The following SLC22A23 variants were observed in gnomAD, a reference collection of about 807,000 sequenced individuals.
SLC22A23 encodes the protein solute carrier family 22 member 23, also known as ion transporter protein.
In SLC22A23, 26 loss-of-function variants were observed where a neutral mutation model predicts 61.0. The ratio of observed to expected loss-of-function variants is 0.43; its 90% CI spans 0.31 to 0.59. SLC22A23 has a LOEUF of 0.59. SLC22A23 is among the 20% of genes least tolerant of loss of function. The probability of loss-of-function intolerance (pLI) is 0.11; values close to 1 mark genes in which losing one functional copy is unlikely to be tolerated. For synonymous variants in SLC22A23, 430 were observed against 413.9 expected (o/e 1.04, Z -0.47); for missense variants, 796 against 934.7 (o/e 0.85, Z 1.94).
chr6:3,341,309 G>A (rs1446180466), intron 3 of SLC22A23, among the ~76,000 whole-genome samples: 1 of 152,184 alleles, frequency 6.6e-6, no homozygotes, highest in Non-Finnish European at 1.5e-5. Context: ...ACTTTTTGTT[G>A]TAGTTGTTTC....
At chr6:3,455,559 C>A (rs1357785840) in intron 1 of SLC22A23, among the ~76,000 whole-genome samples, 1 of 152,186 alleles carries the variant, frequency 6.6e-6, no homozygotes, top group Non-Finnish European at 1.5e-5. Flanking sequence ...CAGAACAGGG[C>A]TGTGGTCCCG....
intron 1 of SLC22A23, among the ~76,000 whole-genome samples, chr6:3,445,204 A>ATT (rs747204357): frequency 1.4e-5 from 2 of 145,432 alleles, no homozygotes; most frequent in Non-Finnish European, 3.0e-5. Flanking sequence ...GCCCCCCTTT[A>ATT]TTTTTTTTTT....
intron 1 of SLC22A23, among the ~76,000 whole-genome samples, chr6:3,425,285 C>CTTTTTT (rs33955202): frequency 8.6e-5 from 10 of 115,826 alleles, no homozygotes; most frequent in Non-Finnish European, 1.3e-4. Context: ...ATGAATAATT[C>CTTTTTT]TTTTTTTTTT....
At chr6:3,359,458 G>C (rs1341320028) in intron 3 of SLC22A23, among the ~76,000 whole-genome samples, 1 of 152,164 alleles carries the variant, frequency 6.6e-6, no homozygotes, top group African/African-American at 2.4e-5. Flanking sequence ...CACTGTCATC[G>C]GGGAAATGTA....
rs923227995 is a variant in SLC22A23, at chr6:3,303,183, A to G, written c.1083-4965T>C. On this transcript the variant is annotated intron_variant, in intron 4 of 9. Coordinates refer to ENST00000406686, the MANE Select transcript of SLC22A23 (RefSeq NM_015482.2). ...TCAACTCACCTCAGTTAGGATGGCTATTATCAAAAAGACACACACACAAAA... is the reference window on the plus strand; with the variant it reads ...TCAACTCACCTCAGTTAGGATGGCTGTTATCAAAAAGACACACACACAAAA... 4 of 152,234 alleles carry G rather than the reference A, an allele frequency of 2.6e-5. No individual in the cohort carries two copies. In the East Asian group the frequency reaches 7.7e-4, roughly 29 times the overall value. The allele number at this position is 152,234 out of a possible 1,614,324, so 9.4% of individuals were successfully genotyped here. A position where few individuals can be genotyped will look rare whatever the true frequency, so the allele number is the denominator to read the frequency against.
rs1230613495 is a variant in SLC22A23, at chr6:3,352,314, C to T, written c.914-28312G>A. 3.3e-5 allele frequency among the ~76,000 whole-genome samples: 5 copies of T among 151,830 alleles called. No homozygotes were observed. In the South Asian group the frequency reaches 1.0e-3, roughly 32 times the overall value. ...ACAGCCATAGACACTTACAAGCATG[C>T]ACACACAGACATGCACAGACACACA... On this transcript the variant is annotated intron_variant, in intron 3 of 9. Coordinates refer to ENST00000406686, the MANE Select transcript of SLC22A23 (RefSeq NM_015482.2).
intron 4 of SLC22A23, among the ~76,000 whole-genome samples, chr6:3,306,967 A>G (rs1762019248): frequency 6.6e-6 from 1 of 152,218 alleles, no homozygotes; most frequent in African/African-American, 2.4e-5. Flanking sequence ...CCTTCCCACC[A>G]AGCAGGCGTC....
rs1770548031 is a variant in SLC22A23 at position 3,427,129 on chromosome 6, G to C, written c.655-11274C>G. Among the ~76,000 whole-genome samples the C allele has an allele frequency of 6.6e-6, 1 of 152,190 alleles. No homozygotes were observed. Among genetic ancestry groups the C allele is most frequent in the African/African-American group, 2.4e-5 (1 of 41,444 alleles). ...CTAGTTTCGCCCCGCGGTCATCAGG[G>C]CAAGCTTTTTCACCGTGTGGGGGCT... On this transcript the variant is annotated intron_variant, in intron 1 of 9. Transcript: ENST00000406686. The surrounding 1 kb of genome is among the most constrained non-coding windows in gnomAD (Gnocchi z 4.3).
At chr6:3,405,437 C>G (rs920763880) in intron 3 of SLC22A23, among the ~76,000 whole-genome samples, 1 of 152,054 alleles carries the variant, frequency 6.6e-6, no homozygotes, top group Non-Finnish European at 1.5e-5. Context: ...CGGGTGGAGA[C>G]AAAGAGACGA....
rs1758594606 is a variant in SLC22A23, at chr6:3,273,225, A to G, written c.1891T>C (p.Ser631Pro). Residue 631 changes from serine to proline, a missense_variant, in exon 10 of 10, where the codon TCT becomes CCT. By Grantham distance (74) the Ser-to-Pro change is moderately conservative. Coordinates refer to ENST00000406686, the MANE Select transcript of SLC22A23 (RefSeq NM_015482.2). Reference protein sequence around the residue: ...SRDQNLPENISNGEHYTRQPL... With the variant: ...SRDQNLPENIPNGEHYTRQPL... The stretch of plus-strand genomic sequence containing the variant: ...TGGCGCGTGTAGTGCTCCCCGTTAG[A>G]AATGTTCTCAGGCAGGTTCTGGTCC... 6.2e-7 allele frequency: 1 copy of G among 1,612,894 alleles called. No individual in the cohort carries two copies. Among genetic ancestry groups the G allele is most frequent in the Admixed American group, 1.7e-5 (1 of 59,958 alleles).
rs1763352332 is a variant in SLC22A23, at chr6:3,327,550, T to A, written c.914-3548A>T. ...TGGTTAAAAGCCTGGACTCCGTAGC[T>A]AGAGTGCCCAAGTTCAAATCCTGCT... On this transcript the variant is annotated intron_variant, in intron 3 of 9. Coordinates refer to ENST00000406686, the MANE Select transcript of SLC22A23 (RefSeq NM_015482.2). This position sits in a 1 kb window ranked among gnomAD's most constrained non-coding sequence, Gnocchi z 4.1. Among the ~76,000 whole-genome samples, 1 of 152,232 alleles carries A rather than the reference T, an allele frequency of 6.6e-6. No homozygotes were observed. The highest frequency in any genetic ancestry group is 1.5e-5 in the Non-Finnish European group (1 of 68,038).
At chr6:3,400,443 G>A (rs559578604) in intron 3 of SLC22A23, among the ~76,000 whole-genome samples, 2 of 152,246 alleles carry the variant, frequency 1.3e-5, no homozygotes, top group East Asian at 3.9e-4. Context: ...GCAGTAGGAT[G>A]GTATCTCAGG....
chr6:3,294,473 C>G (rs1760895383), intron 5 of SLC22A23, among the ~76,000 whole-genome samples: 1 of 152,134 alleles, frequency 6.6e-6, no homozygotes, highest in Non-Finnish European at 1.5e-5. Flanking sequence ...TCCCCAAATC[C>G]CAAAACATCC....
In SLC22A23 at chr6:3,372,105, A is replaced by G. The variant is rs79352993; in HGVS notation, c.913+38083T>C. ...AGCCCATGCTTAAACAGCTAGAAGC[A>G]TCCGTGCTGAGGCCATGAACCTGGG... On this transcript the variant is annotated intron_variant, in intron 3 of 9. Transcript: ENST00000406686. This position sits in a 1 kb window ranked among gnomAD's most constrained non-coding sequence, Gnocchi z 4.7. Among the ~76,000 whole-genome samples, 1,668 of 152,344 alleles carry G rather than the reference A, an allele frequency of 0.011. 27 individuals carry two copies. The highest frequency in any genetic ancestry group is 0.038 in the African/African-American group (1,564 of 41,582).
At chr6:3,384,396 T>G (rs888331243) in intron 3 of SLC22A23, among the ~76,000 whole-genome samples, 3 of 152,260 alleles carry the variant, frequency 2.0e-5, no homozygotes, top group Non-Finnish European at 4.4e-5. Flanking sequence ...ACGAATGCTG[T>G]AAATACTTTA....
In SLC22A23 at chr6:3,342,756, C is replaced by T. The variant is rs947795097; in HGVS notation, c.914-18754G>A. ...CTGGGGATGAAAACCTTTTCCTCCA[C>T]CCTCCTAGGGTCAGTGCTTGGGGCC... On this transcript the variant is annotated intron_variant, in intron 3 of 9. Transcript: ENST00000406686. This position sits in a 1 kb window ranked among gnomAD's most constrained non-coding sequence, Gnocchi z 4.0. Among the ~76,000 whole-genome samples, 2 of 152,164 alleles carry T rather than the reference C, an allele frequency of 1.3e-5. No homozygotes were observed. Among genetic ancestry groups the T allele is most frequent in the African/African-American group, 2.4e-5 (1 of 41,420 alleles).
At position 3,286,101 on chromosome 6, in the gene SLC22A23, T is replaced by G. The variant is rs1394039720; in HGVS notation, c.1546+758A>C. 1.6e-3 allele frequency among the ~76,000 whole-genome samples: 7 copies of G among 4,262 alleles called. No homozygotes were observed. Among genetic ancestry groups the G allele is most frequent in the Non-Finnish European group, 9.4e-3 (4 of 424 alleles). The allele number at this position is 4,262 out of a possible 152,430, so 2.8% of individuals were successfully genotyped here. A position where few individuals can be genotyped will look rare whatever the true frequency, so the allele number is the denominator to read the frequency against. On this transcript the variant is annotated intron_variant, in intron 7 of 9. Transcript: ENST00000406686. This position sits in a 1 kb window ranked among gnomAD's most constrained non-coding sequence, Gnocchi z 4.2. Reference sequence around the variant, plus strand: ...ATGGACTCTCTAGCTTTGCCTTAGATTTTTTTTTTTTTTTTGAGATGGAGT... The same window carrying G: ...ATGGACTCTCTAGCTTTGCCTTAGAGTTTTTTTTTTTTTTTGAGATGGAGT...
chr6:3,325,008 G>A (rs1050836585), intron 3 of SLC22A23, among the ~76,000 whole-genome samples: 1 of 152,194 alleles, frequency 6.6e-6, no homozygotes, highest in East Asian at 1.9e-4. Context: ...TCCCTACAGA[G>A]CATGTACATT....
intron 9 of SLC22A23, among the ~76,000 whole-genome samples, chr6:3,275,608 A>G (rs1177971899): frequency 1.3e-5 from 2 of 152,168 alleles, no homozygotes; most frequent in South Asian, 2.1e-4. Flanking sequence ...CTTTTTTTTG[A>G]GAGTCTCACT....
Sources: allele counts gnomAD v4.1 joint callset (sites outside exome capture counted in the v4.1 genomes callset), GRCh38; gene constraint gnomAD v4.1.1; non-coding constraint Gnocchi (gnomAD v3.1); transcripts MANE v1.5; gene names NCBI Gene and HGNC (gene_info 2026-07-23, HGNC 2026-07-21).